Variants in PRKD1 observed in about 807,000 individuals in gnomAD.
The protein encoded by PRKD1 is serine/threonine-protein kinase D1.
PRKD1 carries 63 observed loss-of-function variants against 95.9 expected under a neutral mutation model. The observed-to-expected ratio is 0.66, with a 90% CI of 0.54 to 0.81. The LOEUF (loss-of-function observed/expected upper bound fraction) is 0.81. PRKD1 is among the 30% of genes least tolerant of loss of function. PRKD1 has a pLI of 0.00. For synonymous variants in PRKD1, 425 were observed against 423.1 expected, an observed-to-expected ratio of 1.00 and a Z score of -0.05; for missense variants, 1,048 against 1,165.3, an observed-to-expected ratio of 0.90 and a Z score of 1.47.
At chr14:29,879,096 T>A (rs181504139) in intron 1 of PRKD1, among the ~76,000 whole-genome samples, 71 of 152,296 alleles carry the variant, frequency 4.7e-4, no homozygotes, top group African/African-American at 1.5e-3. Context: ...TCAGCCTGCC[T>A]GGCCTCCTAG....
Position 29,758,090 on chromosome 14 carries a change from T to C in PRKD1, c.265-32416A>G, listed in dbSNP as rs1887794476. On this transcript the variant is annotated intron_variant, in intron 1 of 17. Transcript: ENST00000331968. ...TGTGTCTCTTTCTGATTGCACTGCA[T>C]GGAAGCCAGTAATTTTCTGCCAAAA... Among the ~76,000 whole-genome samples, 3 of 151,668 alleles carry C rather than the reference T, an allele frequency of 2.0e-5. No individual in the cohort carries two copies. The South Asian group carries it at 6.2e-4, about 31-fold the overall frequency.
chr14:29,637,563 A>C (rs1259209397), intron 6 of PRKD1, among the ~76,000 whole-genome samples: 1 of 152,190 alleles, frequency 6.6e-6, no homozygotes, highest in African/African-American at 2.4e-5. Context: ...TCCAGTACAC[A>C]CTGACATTCC....
chr14:29,826,818 T>C (rs1260165804), intron 1 of PRKD1, among the ~76,000 whole-genome samples: 1,983 of 24,106 alleles, frequency 0.082, 236 homozygotes, highest in Middle Eastern at 0.12. Flanking sequence ...TATATACACA[T>C]ATATATATAT....
At chr14:29,665,853 CA>C (rs1192477419) in intron 3 of PRKD1, among the ~76,000 whole-genome samples, 1 of 151,746 alleles carries the variant, frequency 6.6e-6, no homozygotes, top group African/African-American at 2.4e-5. Context: ...TGTATACACA[CA>C]AAAAAACCTA....
chr14:29,704,739 T>G (rs1884995732), intron 2 of PRKD1, among the ~76,000 whole-genome samples: 1 of 152,184 alleles, frequency 6.6e-6, no homozygotes. Flanking sequence ...GTTCAATGAC[T>G]TCATACTTAT....
intron 1 of PRKD1, among the ~76,000 whole-genome samples, chr14:29,765,426 C>T (rs1888214487): frequency 6.6e-6 from 1 of 152,176 alleles, no homozygotes; most frequent in South Asian, 2.1e-4. Context: ...CACTCTCCTA[C>T]CCTTCTGGTA....
intron 1 of PRKD1, among the ~76,000 whole-genome samples, chr14:29,776,504 G>A (rs1298018515): frequency 6.6e-6 from 1 of 152,202 alleles, no homozygotes; most frequent in African/African-American, 2.4e-5. Flanking sequence ...GCATGCACAA[G>A]CTTCAGTACC....
intron 2 of PRKD1, among the ~76,000 whole-genome samples, chr14:29,707,589 T>G (rs192112942): frequency 6.6e-6 from 1 of 152,134 alleles, no homozygotes; most frequent in African/African-American, 2.4e-5. Flanking sequence ...TTATGATATA[T>G]ATCTGTAAGT....
chr14:29,863,212 G>T (rs541192417), intron 1 of PRKD1, among the ~76,000 whole-genome samples: 2 of 152,228 alleles, frequency 1.3e-5, no homozygotes, highest in South Asian at 4.1e-4. Flanking sequence ...TCACATTACA[G>T]ACATTTAGGT....
intron 1 of PRKD1, among the ~76,000 whole-genome samples, chr14:29,834,572 TATAG>T (rs1594562081): frequency 6.6e-6 from 1 of 152,222 alleles, no homozygotes; most frequent in East Asian, 1.9e-4. Context: ...ATGTTCAATT[TATAG>T]ATAATTTACT....
intron 1 of PRKD1, among the ~76,000 whole-genome samples, chr14:29,739,752 C>G (rs1444549871): frequency 6.6e-6 from 1 of 152,112 alleles, no homozygotes; most frequent in Non-Finnish European, 1.5e-5. Context: ...TCAAGTATTG[C>G]TAAAGAAGTC....
intron 2 of PRKD1, among the ~76,000 whole-genome samples, chr14:29,679,285 G>T (rs758520227): frequency 4.6e-5 from 7 of 152,170 alleles, no homozygotes; most frequent in Non-Finnish European, 1.0e-4. Context: ...GAGCAAAAAT[G>T]TTCCAAAAGG....
chr14:29,775,924 C>T (rs1445036040), intron 1 of PRKD1, among the ~76,000 whole-genome samples: 2 of 152,136 alleles, frequency 1.3e-5, no homozygotes, highest in Non-Finnish European at 2.9e-5. Flanking sequence ...CCTCACATGG[C>T]CAGGTGCCCC....
intron 2 of PRKD1, among the ~76,000 whole-genome samples, chr14:29,697,039 CTA>C (rs2139314485): frequency 6.6e-6 from 1 of 151,930 alleles, no homozygotes; most frequent in South Asian, 2.1e-4. Flanking sequence ...TGTGAAATCT[CTA>C]TAATTTTTTC....
At chr14:29,826,179 TATATATATA>T (rs1891101264) in intron 1 of PRKD1, among the ~76,000 whole-genome samples, 1 of 142,384 alleles carries the variant, frequency 7.0e-6, no homozygotes, top group Non-Finnish European at 1.5e-5. Flanking sequence ...TATGATGGAA[TATATATATA>T]CATATATATG....
At chr14:29,693,122 C>T (rs1428737625) in intron 2 of PRKD1, among the ~76,000 whole-genome samples, 1 of 152,088 alleles carries the variant, frequency 6.6e-6, no homozygotes, top group South Asian at 2.1e-4. Context: ...ACAACTTCTG[C>T]AAAGTATTTG....
intron 1 of PRKD1, among the ~76,000 whole-genome samples, chr14:29,826,844 C>CATATATATACACATATAT (rs1891207194): frequency 1.0e-4 from 3 of 28,668 alleles, no homozygotes; most frequent in African/African-American, 3.6e-4. Flanking sequence ...TATATACACA[C>CATATATATACACATATAT]ATATATATAT....
chr14:29,889,313 C>T lies in PRKD1; in HGVS notation c.264+37936G>A, dbSNP rs114375443. 3.6e-3 allele frequency among the ~76,000 whole-genome samples: 549 copies of T among 152,246 alleles called. 2 individuals are homozygous for T. Among genetic ancestry groups the T allele is most frequent in the African/African-American group, 0.012 (487 of 41,544 alleles). The stretch of plus-strand genomic sequence containing the variant: ...GGTCTACAGTTCCCAGCGAGATTGA[C>T]GCAGAAGATGGGTGATTTCTGCATT... On this transcript the variant is annotated intron_variant, in intron 1 of 17. Transcript: ENST00000331968.
At chr14:29,644,408 T>C (rs1239358895) in intron 4 of PRKD1, among the ~76,000 whole-genome samples, 1 of 152,162 alleles carries the variant, frequency 6.6e-6, no homozygotes, top group Non-Finnish European at 1.5e-5. Context: ...TGAGGAATGG[T>C]TGAGACTATA....
Sources: gnomAD v4.1 joint callset for allele counts (sites outside exome capture counted in the v4.1 genomes callset) on GRCh38, gnomAD v4.1.1 for gene constraint, MANE v1.5 for transcripts, NCBI Gene and HGNC (gene_info 2026-07-23, HGNC 2026-07-21) for gene names.